The following YWHAG variants were observed in gnomAD, a reference collection of about 807,000 sequenced individuals.
The protein encoded by YWHAG is tyrosine 3-monooxygenase/tryptophan 5-monooxygenase activation protein gamma, also known as 14-3-3 protein gamma.
A neutral mutation model predicts 23.3 loss-of-function variants in YWHAG; 1 was observed. The ratio of observed to expected loss-of-function variants is 0.04; its 90% CI spans 0.02 to 0.20. The LOEUF is 0.20. YWHAG is among the 10% of genes least tolerant of loss of function. The pLI is 1.00. For synonymous variants in YWHAG, 160 were observed against 144.0 expected (o/e 1.11, Z -0.80); for missense variants, 151 against 338.6 (o/e 0.45, Z 4.35).
In YWHAG at chr7:76,329,480, C is replaced by G; in HGVS notation, c.*97G>C. On this transcript the variant is annotated 3_prime_UTR_variant, in exon 2 of 2. Coordinates refer to ENST00000307630, the MANE Select transcript of YWHAG (RefSeq NM_012479.4). This position sits in a 1 kb window ranked among gnomAD's most constrained non-coding sequence, Gnocchi z 6.1. ...GTGGGTTTCTCCCTGGGAAGGTCAT[C>G]CCTCCCTTTCCCTCCCCCACCCGAC... The G allele has an allele frequency of 1.8e-5, 20 of 1,136,216 alleles. No homozygotes were observed. Among genetic ancestry groups the G allele is most frequent in the East Asian group, 5.5e-5 (2 of 36,380 alleles). The allele number at this position is 1,136,216 out of a possible 1,614,324, so 70.4% of individuals were successfully genotyped here. A position where few individuals can be genotyped will look rare whatever the true frequency, so the allele number is the denominator to read the frequency against.
intron 1 of YWHAG, among the ~76,000 whole-genome samples, chr7:76,351,888 C>G (rs1803879984): frequency 6.6e-6 from 1 of 152,184 alleles, no homozygotes. Context: ...CCCCTTACCC[C>G]TCACCCCACC....
chr7:76,349,055 C>G (rs973986670), intron 1 of YWHAG, among the ~76,000 whole-genome samples: 1 of 151,928 alleles, frequency 6.6e-6, no homozygotes, highest in African/African-American at 2.4e-5. Flanking sequence ...AAAATCTCGT[C>G]TTCCCGGCCG....
chr7:76,352,816 A>C (rs1212409687), intron 1 of YWHAG, among the ~76,000 whole-genome samples: 1 of 151,994 alleles, frequency 6.6e-6, no homozygotes, highest in East Asian at 1.9e-4. Flanking sequence ...TGCCCAGCTA[A>C]TTTTTGTTAT....
chr7:76,349,887 G>A (rs1803849126), intron 1 of YWHAG, among the ~76,000 whole-genome samples: 1 of 152,128 alleles, frequency 6.6e-6, no homozygotes, highest in Admixed American at 6.5e-5. Context: ...CCAGCTACTG[G>A]GGAGGCTGAG....
At chr7:76,331,286 G>GGGAGAGGAGAGGAGAGGAGAGGAGA (rs112289084) in intron 1 of YWHAG, among the ~76,000 whole-genome samples, 3,587 of 150,238 alleles carry the variant, frequency 0.024, 160 homozygotes, top group African/African-American at 0.083. Flanking sequence ...GCTGGGGATG[G>GGGAGAGGAGAGGAGAGGAGAGGAGA]GGAGAGGAGA....
At chr7:76,341,403 T>C (rs1192853032) in intron 1 of YWHAG, among the ~76,000 whole-genome samples, 2 of 11,750 alleles carry the variant, frequency 1.7e-4, no homozygotes, top group African/African-American at 1.0e-3. Context: ...GACTCTTGCC[T>C]CAAAAAAAAA....
intron 1 of YWHAG, among the ~76,000 whole-genome samples, chr7:76,348,141 C>G (rs1803812269): frequency 6.6e-6 from 1 of 151,972 alleles, no homozygotes; most frequent in African/African-American, 2.4e-5. Context: ...CATGCATCTG[C>G]AAGCAATGGA....
intron 1 of YWHAG, among the ~76,000 whole-genome samples, chr7:76,340,949 C>T (rs934633033): frequency 6.6e-6 from 1 of 152,156 alleles, no homozygotes; most frequent in Non-Finnish European, 1.5e-5. Context: ...TGATCAGGGC[C>T]CACTGCAGCC....
intron 1 of YWHAG, among the ~76,000 whole-genome samples, chr7:76,347,236 G>C (rs747505086): frequency 6.6e-6 from 1 of 152,150 alleles, no homozygotes; most frequent in Non-Finnish European, 1.5e-5. Flanking sequence ...TAGGATTTTA[G>C]ATCAGTGCAT....
At chr7:76,347,914 A>G in intron 1 of YWHAG, among the ~76,000 whole-genome samples, 1 of 152,154 alleles carries the variant, frequency 6.6e-6, no homozygotes, top group East Asian at 1.9e-4. Flanking sequence ...AAAAATCTCA[A>G]GCTCTCCTTT....
chr7:76,334,245 G>T (rs966502911), intron 1 of YWHAG, among the ~76,000 whole-genome samples: 1 of 152,120 alleles, frequency 6.6e-6, no homozygotes, highest in Non-Finnish European at 1.5e-5. Flanking sequence ...TAAAATAAGA[G>T]ATCCCCACCA....
rs552189410 is a variant in YWHAG, at chr7:76,344,175, A to G, written c.88-13942T>C. ...GCCTAGGCTGGAATGCAGTGGTGCGATATCGGCTCACTGCAGCCTCCACCT... is the reference window on the plus strand; with the variant it reads ...GCCTAGGCTGGAATGCAGTGGTGCGGTATCGGCTCACTGCAGCCTCCACCT... On this transcript the variant is annotated intron_variant, in intron 1 of 1. Coordinates refer to ENST00000307630, the MANE Select transcript of YWHAG (RefSeq NM_012479.4). 3.9e-5 allele frequency among the ~76,000 whole-genome samples: 6 copies of G among 152,154 alleles called. No individual in the cohort carries two copies. In the East Asian group the frequency reaches 9.7e-4, roughly 25 times the overall value.
At position 76,329,477 on chromosome 7, in the gene YWHAG, C is replaced by T; in HGVS notation, c.*100G>A. On this transcript the variant is annotated 3_prime_UTR_variant, in exon 2 of 2. Transcript: ENST00000307630. This position sits in a 1 kb window ranked among gnomAD's most constrained non-coding sequence, Gnocchi z 6.1. ...GTCGTGGGTTTCTCCCTGGGAAGGT[C>T]ATCCCTCCCTTTCCCTCCCCCACCC... The T allele has an allele frequency of 7.7e-7, 1 of 1,294,186 alleles. No homozygotes were observed. The highest frequency in any genetic ancestry group is 1.0e-6 in the Non-Finnish European group (1 of 963,646). The allele number at this position is 1,294,186 out of a possible 1,614,324, so 80.2% of individuals were successfully genotyped here. A position where few individuals can be genotyped will look rare whatever the true frequency, so the allele number is the denominator to read the frequency against.
intron 1 of YWHAG, among the ~76,000 whole-genome samples, chr7:76,341,999 T>G (rs1208602219): frequency 1.3e-5 from 2 of 152,152 alleles, no homozygotes; most frequent in African/African-American, 4.8e-5. Context: ...AAATATAAAA[T>G]TCGAAATACT....
At chr7:76,358,675 G>A in intron 1 of YWHAG, 47 bp downstream of exon 1, 1 of 1,526,544 alleles carries the variant, frequency 6.6e-7, no homozygotes. Context: ...CAAGGACCGC[G>A]TCTTCGGAGG....
At chr7:76,332,612 C>T (rs1803561219) in intron 1 of YWHAG, among the ~76,000 whole-genome samples, 1 of 152,064 alleles carries the variant, frequency 6.6e-6, no homozygotes, top group Admixed American at 6.5e-5. Context: ...CCTCAAACTA[C>T]TGGGCTCAAG....
chr7:76,334,460 C>T (rs1253478259), intron 1 of YWHAG, among the ~76,000 whole-genome samples: 1 of 152,186 alleles, frequency 6.6e-6, no homozygotes, highest in African/African-American at 2.4e-5. Flanking sequence ...CAGGGTCTCA[C>T]TCTGTTGCCC....
intron 1 of YWHAG, among the ~76,000 whole-genome samples, chr7:76,336,171 A>C (rs548471040): frequency 6.6e-6 from 1 of 152,310 alleles, no homozygotes; most frequent in East Asian, 1.9e-4. Context: ...CAGGCAGAGC[A>C]CACAGGACTT....
Position 76,329,433 on chromosome 7 carries a change from G to A in YWHAG, c.*144C>T. 9.1e-7 allele frequency: 1 copy of A among 1,093,630 alleles called. No individual in the cohort carries two copies. 67.7% of individuals were successfully genotyped at this position (1,093,630 alleles called of 1,614,324 possible). On this transcript the variant is annotated 3_prime_UTR_variant, in exon 2 of 2. Coordinates refer to ENST00000307630, the MANE Select transcript of YWHAG (RefSeq NM_012479.4). The surrounding 1 kb of genome is among the most constrained non-coding windows in gnomAD (Gnocchi z 6.1). ...GTATTTTGGCAAAAATGTCAAAGAG[G>A]CGATCAAAGACAGGACAGGTCGTGG... is the stretch of plus-strand genomic sequence containing the variant.
Sources: allele counts gnomAD v4.1 joint callset (sites outside exome capture counted in the v4.1 genomes callset), GRCh38; gene constraint gnomAD v4.1.1; non-coding constraint Gnocchi (gnomAD v3.1); transcripts MANE v1.5; gene names NCBI Gene and HGNC (gene_info 2026-07-23, HGNC 2026-07-21).